The following NUP153 variants were observed in gnomAD, a reference collection of about 807,000 sequenced individuals.
The protein encoded by NUP153 is nuclear pore complex protein Nup153.
In NUP153, 27 loss-of-function variants were observed where a neutral mutation model predicts 134.6. The observed-to-expected ratio is 0.20, with a 90% CI of 0.15 to 0.28. The LOEUF (loss-of-function observed/expected upper bound fraction) is 0.28, where lower values mean the gene tolerates loss of function less well. Among genes scored for constraint, NUP153 ranks in the 10% least tolerant of loss-of-function variants. The pLI is 1.00. For synonymous variants in NUP153, 640 were observed against 623.5 expected (o/e 1.03, Z -0.40); for missense variants, 1,821 against 1,731.3 (o/e 1.05, Z -0.92).
Position 17,662,009 on chromosome 6 carries a change from T to C in NUP153, c.1268+9A>G, listed in dbSNP as rs1181648775. 6.3e-7 allele frequency: 1 copy of C among 1,587,294 alleles called. No homozygotes were observed. The highest frequency in any genetic ancestry group is 2.2e-5 in the East Asian group (1 of 44,644). On this transcript the variant is annotated intron_variant, in intron 10 of 21. Transcript: ENST00000262077. ...TAAAGAAGTATAGCTGTATAAGAAA[T>C]GACAGTACCTTTCTCGTTGTTCTCT...
In NUP153 at chr6:17,628,793, C is replaced by T; in HGVS notation, c.3406G>A (p.Gly1136Arg). ...EPKCQPVFSFGNSEQTKDENS... is the reference protein window; with the variant it reads ...EPKCQPVFSFRNSEQTKDENS... ...TCATCTTTGGTTTGCTCTGAATTCC[C>T]AAAGGAAAACACTGGTTGACACTTT... The change falls in exon 18 of 22, where the codon GGG (glycine) becomes AGG (arginine). Residue 1136 changes from glycine (G) to arginine (R), a missense_variant. Physicochemically the swap from Gly to Arg is moderately radical, Grantham distance 125. Transcript: ENST00000262077. The surrounding 1 kb of genome is among the most constrained non-coding windows in gnomAD (Gnocchi z 5.4). The T allele has an allele frequency of 6.2e-7, 1 of 1,614,064 alleles. No homozygotes were observed. The highest frequency in any genetic ancestry group is 8.5e-7 in the Non-Finnish European group (1 of 1,180,014).
chr6:17,650,554 G>A (rs971088709), intron 11 of NUP153, among the ~76,000 whole-genome samples: 1 of 152,148 alleles, frequency 6.6e-6, no homozygotes, highest in South Asian at 2.1e-4. Flanking sequence ...ACTTCAAATG[G>A]ATGCAGTTTA....
chr6:17,660,164 T>C (rs1209237070), intron 11 of NUP153, among the ~76,000 whole-genome samples: 1 of 152,150 alleles, frequency 6.6e-6, no homozygotes, highest in East Asian at 1.9e-4. Flanking sequence ...CAGAGCAAAA[T>C]ACCAATAGGC....
chr6:17,704,169 G>GT (rs1389325056), intron 1 of NUP153, among the ~76,000 whole-genome samples: 1 of 152,104 alleles, frequency 6.6e-6, no homozygotes, highest in East Asian at 1.9e-4. Flanking sequence ...GCGGGCGCCT[G>GT]TAGTTCCAGC....
chr6:17,636,608 A>G (rs1459366277), intron 16 of NUP153, among the ~76,000 whole-genome samples: 1 of 152,218 alleles, frequency 6.6e-6, no homozygotes, highest in African/African-American at 2.4e-5. Context: ...ATTCAATATG[A>G]ATCTTCACTA....
chr6:17,694,409 AGCACTTCCGGAGGCCG>A (rs1349942451), intron 1 of NUP153, among the ~76,000 whole-genome samples: 1 of 152,210 alleles, frequency 6.6e-6, no homozygotes, highest in Non-Finnish European at 1.5e-5. Flanking sequence ...CTGTAATCCC[AGCACTTCCGGAGGCCG>A]ACGCGGGCGG....
chr6:17,686,458 C>T (rs193011082), intron 2 of NUP153, among the ~76,000 whole-genome samples: 9,214 of 150,160 alleles, frequency 0.061, 369 homozygotes, highest in Non-Finnish European at 0.083. Context: ...TGCAGTGGTG[C>T]GATCTCGGCT....
In NUP153 at chr6:17,706,795, A is replaced by C; in HGVS notation, c.-408T>G. ...GCTGCCGCAGTTGAAGCCGCTGGCG[A>C]CGCCCGCCTACCCCTCCCCTGTGCG... On this transcript the variant is annotated 5_prime_UTR_variant, in exon 1 of 22. Transcript: ENST00000262077. The surrounding 1 kb of genome is among the most constrained non-coding windows in gnomAD (Gnocchi z 5.9). 5.5e-6 allele frequency: 1 copy of C among 182,922 alleles called. No homozygotes were observed. The highest frequency in any genetic ancestry group is 1.2e-5 in the Non-Finnish European group (1 of 86,818). 11.3% of individuals were successfully genotyped at this position (182,922 alleles called of 1,614,324 possible).
chr6:17,669,063 G>A lies in NUP153; in HGVS notation c.1015-35C>T, dbSNP rs764918281. The A allele has an allele frequency of 7.2e-6, 10 of 1,395,100 alleles. No homozygotes were observed. In the East Asian group the frequency reaches 1.9e-4, roughly 27 times the overall value. The allele number at this position is 1,395,100 out of a possible 1,614,324, so 86.4% of individuals were successfully genotyped here. A position where few individuals can be genotyped will look rare whatever the true frequency, so the allele number is the denominator to read the frequency against. ...AAAAAAAACACTATTAGAATAGATG[G>A]GGAGTTATGAAAAATACCTTTTTTT... On this transcript the variant is annotated intron_variant, in intron 7 of 21. Coordinates refer to ENST00000262077, the MANE Select transcript of NUP153 (RefSeq NM_005124.4).
chr6:17,688,246 T>TA, intron 2 of NUP153, 150 bp downstream of exon 2: 1 of 609,060 alleles, frequency 1.6e-6, no homozygotes. Context: ...CACTGATAAA[T>TA]AAAAAAGACA....
chr6:17,693,843 G>A (rs1769446554), intron 1 of NUP153, among the ~76,000 whole-genome samples: 2 of 152,118 alleles, frequency 1.3e-5, no homozygotes, highest in Admixed American at 1.3e-4. Flanking sequence ...CTGAGATCGT[G>A]CCACTGCACT....
intron 13 of NUP153, among the ~76,000 whole-genome samples, chr6:17,646,452 CG>C (rs1766188876): frequency 6.6e-6 from 1 of 152,196 alleles, no homozygotes; most frequent in African/African-American, 2.4e-5. Flanking sequence ...GTGATCCGCC[CG>C]CCTCGGCCTC....
At chr6:17,699,128 C>G (rs1314443620) in intron 1 of NUP153, among the ~76,000 whole-genome samples, 3 of 152,084 alleles carry the variant, frequency 2.0e-5, no homozygotes, top group Non-Finnish European at 4.4e-5. Flanking sequence ...AACTTCCCAA[C>G]ACAGAAGAAT....
chr6:17,678,309 T>C (rs1478942580), intron 2 of NUP153, among the ~76,000 whole-genome samples: 1 of 136,688 alleles, frequency 7.3e-6, no homozygotes, highest in African/African-American at 2.9e-5. Context: ...TGAGCTAAGA[T>C]CTTGCCACTG....
At position 17,615,426 on chromosome 6, in the gene NUP153, T is replaced by C. The variant is rs1433113289; in HGVS notation, c.*671A>G. ...TATGCCAAAAAGTACAGAAACAAAA[T>C]TGTATTTACACAAGTTTCATAATAA... On this transcript the variant is annotated 3_prime_UTR_variant, in exon 22 of 22. Coordinates refer to ENST00000262077, the MANE Select transcript of NUP153 (RefSeq NM_005124.4). This position sits in a 1 kb window ranked among gnomAD's most constrained non-coding sequence, Gnocchi z 5.7. 1 of 152,524 alleles carries C rather than the reference T, an allele frequency of 6.6e-6. No individual in the cohort carries two copies. Among genetic ancestry groups the C allele is most frequent in the Non-Finnish European group, 1.5e-5 (1 of 68,018 alleles). 9.4% of individuals were successfully genotyped at this position (152,524 alleles called of 1,614,324 possible). A position where few individuals can be genotyped will look rare whatever the true frequency, so the allele number is the denominator to read the frequency against.
In NUP153 at chr6:17,706,794, G is replaced by A. The variant is rs1770532385; in HGVS notation, c.-407C>T. 1 of 191,384 alleles carries A rather than the reference G, an allele frequency of 5.2e-6. No individual in the cohort carries two copies. Among genetic ancestry groups the A allele is most frequent in the South Asian group, 8.3e-5 (1 of 11,992 alleles). 11.9% of individuals were successfully genotyped at this position (191,384 alleles called of 1,614,324 possible). ...AGCTGCCGCAGTTGAAGCCGCTGGCGACGCCCGCCTACCCCTCCCCTGTGC... is the reference window on the plus strand; with the variant it reads ...AGCTGCCGCAGTTGAAGCCGCTGGCAACGCCCGCCTACCCCTCCCCTGTGC... On this transcript the variant is annotated 5_prime_UTR_variant, in exon 1 of 22. Transcript: ENST00000262077. The surrounding 1 kb of genome is among the most constrained non-coding windows in gnomAD (Gnocchi z 5.9).
chr6:17,678,126 C>T (rs1301936157), intron 2 of NUP153, among the ~76,000 whole-genome samples: 4 of 151,874 alleles, frequency 2.6e-5, no homozygotes, highest in South Asian at 4.1e-4. Flanking sequence ...GAGGCCAAGG[C>T]GGGCAGATGA....
Position 17,637,627 on chromosome 6 carries a change from A to G in NUP153, c.1990T>C (p.Cys664Arg). Residue 664 changes from cysteine (C) to arginine (R), a missense_variant, in exon 16 of 22, where the codon TGT (cysteine) becomes CGT (arginine). Transcript: ENST00000262077. The stretch of plus-strand genomic sequence containing the variant: ...TTGTTCTGGAGTAGACATGTATCAC[A>G]CTGCCATGATGACCCAGCTTTTAAA... ...ESLKAGSSWQ[C>R]DTCLLQNKVT... 1 of 1,614,064 alleles carries G rather than the reference A, an allele frequency of 6.2e-7. No homozygotes were observed. The highest frequency in any genetic ancestry group is 8.5e-7 in the Non-Finnish European group (1 of 1,180,040).
rs540216016 is a variant in NUP153, at chr6:17,655,665, G to A, written c.1395+5988C>T. ...GACGGGGTTTCACCATGTTGGCCAG[G>A]CTGGTCTCGAGCTCCTGACCTCAGG... On this transcript the variant is annotated intron_variant, in intron 11 of 21. Transcript: ENST00000262077. Among the ~76,000 whole-genome samples the A allele has an allele frequency of 3.2e-4, 48 of 151,978 alleles. No individual in the cohort carries two copies. The East Asian group carries it at 9.0e-3, about 28-fold the overall frequency.
Sources: allele counts gnomAD v4.1 joint callset (sites outside exome capture counted in the v4.1 genomes callset), GRCh38; gene constraint gnomAD v4.1.1; non-coding constraint Gnocchi (gnomAD v3.1); transcripts MANE v1.5; gene names NCBI Gene and HGNC (gene_info 2026-07-23, HGNC 2026-07-21).